The following ASIC2 variants were observed in gnomAD, a reference collection of about 807,000 sequenced individuals.
ASIC2 encodes acid-sensing ion channel 2.
A neutral mutation model predicts 57.3 loss-of-function variants in ASIC2; 25 were observed. That is an observed-to-expected ratio of 0.44 (90% confidence interval 0.32 to 0.61). The LOEUF (loss-of-function observed/expected upper bound fraction) is 0.61, where lower values mean the gene tolerates loss of function less well. Among genes scored for constraint, ASIC2 ranks in the 20% least tolerant of loss-of-function variants. The pLI, the probability that ASIC2 is intolerant of heterozygous loss-of-function variation, is 0.06. For missense variants in ASIC2, 641 were observed against 738.1 expected (o/e 0.87, Z 1.52); for synonymous variants, 319 against 307.5 (o/e 1.04, Z -0.39).
chr17:33,103,704 C>A (rs759633422), intron 2 of ASIC2, among the ~76,000 whole-genome samples: 8 of 152,156 alleles, frequency 5.3e-5, no homozygotes, highest in Non-Finnish European at 1.2e-4. Flanking sequence ...TCCCCTCAAA[C>A]TTCTGCTCAG....
intron 1 of ASIC2, among the ~76,000 whole-genome samples, chr17:33,604,633 A>G (rs909917268): frequency 6.6e-6 from 1 of 152,058 alleles, no homozygotes; most frequent in African/African-American, 2.4e-5. Context: ...GTCCTCAGAG[A>G]AAGAGGCGAG....
chr17:34,035,583 G>C (rs1907841080), intron 1 of ASIC2, among the ~76,000 whole-genome samples: 1 of 151,980 alleles, frequency 6.6e-6, no homozygotes, highest in South Asian at 2.1e-4. Context: ...ACTACCATCG[G>C]AGTGAACAGG....
intron 1 of ASIC2, among the ~76,000 whole-genome samples, chr17:33,459,355 C>T (rs535498922): frequency 2.2e-4 from 34 of 152,178 alleles, no homozygotes; most frequent in African/African-American, 3.1e-4. Flanking sequence ...TCCCAGGAGA[C>T]GCGTGCAGGA....
chr17:33,140,491 A>G (rs1238173913), intron 1 of ASIC2, among the ~76,000 whole-genome samples: 1 of 152,218 alleles, frequency 6.6e-6, no homozygotes, highest in African/African-American at 2.4e-5. Context: ...TATGATGGGA[A>G]TTACAGCAAT....
intron 1 of ASIC2, among the ~76,000 whole-genome samples, chr17:33,667,019 G>A (rs373157279): frequency 9.2e-5 from 14 of 151,864 alleles, no homozygotes; most frequent in African/African-American, 3.4e-4. Context: ...TTTTATTTGC[G>A]GAATCTGGCA....
At chr17:33,146,514 T>C (rs1904570588) in intron 1 of ASIC2, among the ~76,000 whole-genome samples, 1 of 152,120 alleles carries the variant, frequency 6.6e-6, no homozygotes, top group South Asian at 2.1e-4. Flanking sequence ...AGGAAACAGG[T>C]TGGCTCTGGA....
chr17:33,343,184 G>T (rs1397185455), intron 1 of ASIC2, among the ~76,000 whole-genome samples: 4 of 152,176 alleles, frequency 2.6e-5, no homozygotes, highest in African/African-American at 9.7e-5. Flanking sequence ...GATGGGTCCT[G>T]CCCAGGTGAT....
chr17:33,959,987 C>T (rs1490033432), intron 1 of ASIC2, among the ~76,000 whole-genome samples: 1 of 152,214 alleles, frequency 6.6e-6, no homozygotes, highest in Non-Finnish European at 1.5e-5. Context: ...AGTCCATGGA[C>T]TTTGTCTATG....
intron 1 of ASIC2, among the ~76,000 whole-genome samples, chr17:33,954,705 T>C (rs4795840): frequency 0.73 from 110,488 of 152,062 alleles, 40,259 homozygotes; most frequent in African/African-American, 0.78. Context: ...CACGAAGCTG[T>C]GAGTGTTTTG....
intron 1 of ASIC2, among the ~76,000 whole-genome samples, chr17:33,930,592 A>G (rs1915910478): frequency 6.6e-6 from 1 of 152,246 alleles, no homozygotes; most frequent in African/African-American, 2.4e-5. Flanking sequence ...TTTGCTTCAA[A>G]CAAAAGTATC....
intron 1 of ASIC2, among the ~76,000 whole-genome samples, chr17:33,575,266 C>T (rs1916582777): frequency 6.6e-6 from 1 of 152,124 alleles, no homozygotes; most frequent in Non-Finnish European, 1.5e-5. Flanking sequence ...GCACTGAGTC[C>T]CCAGGGCTTC....
At chr17:33,162,034 C>T (rs985612765) in intron 1 of ASIC2, among the ~76,000 whole-genome samples, 3 of 152,080 alleles carry the variant, frequency 2.0e-5, no homozygotes, top group Non-Finnish European at 2.9e-5. Context: ...CTTAGGCTGG[C>T]TTTCTAAGGA....
intron 1 of ASIC2, among the ~76,000 whole-genome samples, chr17:34,093,735 A>G (rs1190988940): frequency 2.0e-5 from 3 of 152,122 alleles, no homozygotes; most frequent in African/African-American, 7.2e-5. Flanking sequence ...TGGCCATTCT[A>G]GTTAATCTTA....
intron 1 of ASIC2, among the ~76,000 whole-genome samples, chr17:33,407,766 C>A (rs1910518394): frequency 6.6e-6 from 1 of 152,186 alleles, no homozygotes. Context: ...TTAGGACCTG[C>A]AAGACAAGCA....
At chr17:33,668,789 C>T (rs990981573) in intron 1 of ASIC2, among the ~76,000 whole-genome samples, 1 of 152,218 alleles carries the variant, frequency 6.6e-6, no homozygotes, top group African/African-American at 2.4e-5. Context: ...AGTGTTGGGA[C>T]ACCGTCTGGT....
intron 1 of ASIC2, among the ~76,000 whole-genome samples, chr17:34,100,401 C>T (rs1567822182): frequency 6.6e-6 from 1 of 152,132 alleles, no homozygotes; most frequent in Non-Finnish European, 1.5e-5. Flanking sequence ...TAAGGCTCGT[C>T]ACATCATAAT....
intron 1 of ASIC2, among the ~76,000 whole-genome samples, chr17:33,337,962 G>A (rs9895486): frequency 0.19 from 28,894 of 150,050 alleles, 2,826 homozygotes; most frequent in East Asian, 0.36. Flanking sequence ...GAAGGGCAAA[G>A]AGGATGCAGA....
intron 3 of ASIC2, among the ~76,000 whole-genome samples, chr17:33,073,782 G>T (rs544589251): frequency 5.3e-5 from 8 of 152,222 alleles, no homozygotes; most frequent in Non-Finnish European, 1.0e-4. Flanking sequence ...GGCTAGAGAT[G>T]ATCATCGGAA....
At position 33,930,491 on chromosome 17, in the gene ASIC2, G is replaced by T. The variant is rs528063197; in HGVS notation, c.555+225487C>A. ...GTTAGTCCCCATCGTGCTTCAGGTA[G>T]TAGAATAAGGGCTGGAGACCAGAGC... On this transcript the variant is annotated intron_variant, in intron 1 of 9. Transcript: ENST00000359872. 2.4e-4 allele frequency among the ~76,000 whole-genome samples: 36 copies of T among 152,336 alleles called. No individual in the cohort carries two copies. The South Asian group carries it at 6.2e-3, about 26-fold the overall frequency.
Sources: gnomAD v4.1 joint callset for allele counts (sites outside exome capture counted in the v4.1 genomes callset) on GRCh38, gnomAD v4.1.1 for gene constraint, MANE v1.5 for transcripts, NCBI Gene and HGNC (gene_info 2026-07-23, HGNC 2026-07-21) for gene names.